PIK3R1: variants seen among roughly 807,000 people sequenced by gnomAD.
The protein encoded by PIK3R1 is phosphatidylinositol 3-kinase regulatory subunit alpha.
Under a neutral mutation model 98.0 loss-of-function variants are expected in PIK3R1, and 29 were observed. The observed-to-expected ratio is 0.30, with a 90% CI of 0.22 to 0.40. The LOEUF (loss-of-function observed/expected upper bound fraction) is 0.40, where lower values mean the gene tolerates loss of function less well. Ranked by LOEUF, PIK3R1 falls within the 10% of genes least tolerant of loss-of-function variation. The pLI is 1.00. For synonymous variants in PIK3R1, 282 were observed against 311.8 expected (o/e 0.90, Z 1.01); for missense variants, 596 against 872.7 (o/e 0.68, Z 3.99).
intron 2 of PIK3R1, among the ~76,000 whole-genome samples, chr5:68,264,323 A>T (rs976899074): frequency 7.9e-5 from 12 of 152,156 alleles, no homozygotes; most frequent in Admixed American, 3.3e-4. Context: ...TCACGTAAAG[A>T]TTTTTTAACC....
intron 7 of PIK3R1, among the ~76,000 whole-genome samples, chr5:68,287,550 T>G (rs1747130438): frequency 1.3e-5 from 2 of 152,202 alleles, no homozygotes; most frequent in Admixed American, 1.3e-4. Flanking sequence ...CTTAAAGCTA[T>G]CTATGCTCAT....
At chr5:68,258,614 C>T (rs542251747) in intron 2 of PIK3R1, among the ~76,000 whole-genome samples, 9 of 152,360 alleles carry the variant, frequency 5.9e-5, no homozygotes, top group Non-Finnish European at 1.0e-4. Flanking sequence ...CCATACCAGT[C>T]TTTCCCTGAT....
At chr5:68,237,426 AGAGGGGTGATT>A (rs1469565345) in intron 2 of PIK3R1, among the ~76,000 whole-genome samples, 5 of 152,288 alleles carry the variant, frequency 3.3e-5, no homozygotes, top group African/African-American at 1.2e-4. Context: ...TTCCAAGGGC[AGAGGGGTGATT>A]GAGGGGGTAA....
chr5:68,246,616 T>G (rs1745100479), intron 2 of PIK3R1, among the ~76,000 whole-genome samples: 3 of 152,134 alleles, frequency 2.0e-5, no homozygotes. Flanking sequence ...CCCGTCCATG[T>G]GTGTCTTTTT....
chr5:68,281,320 TTTTG>T (rs1443358664), intron 7 of PIK3R1, among the ~76,000 whole-genome samples: 1 of 152,210 alleles, frequency 6.6e-6, no homozygotes, highest in African/African-American at 2.4e-5. Context: ...TTGTTGACAT[TTTTG>T]TTTTTCTTTC....
intron 1 of PIK3R1, among the ~76,000 whole-genome samples, chr5:68,223,456 T>C (rs959614155): frequency 2.0e-5 from 3 of 152,020 alleles, no homozygotes; most frequent in African/African-American, 7.3e-5. Context: ...TCTGCATCAA[T>C]GGATGGATGC....
At chr5:68,251,273 C>T (rs1410737787) in intron 2 of PIK3R1, among the ~76,000 whole-genome samples, 1 of 151,828 alleles carries the variant, frequency 6.6e-6, no homozygotes, top group Non-Finnish European at 1.5e-5. Flanking sequence ...CTGGTGGAAA[C>T]CTCTTAAAAA....
intron 2 of PIK3R1, among the ~76,000 whole-genome samples, chr5:68,272,721 C>T (rs941317865): frequency 1.3e-5 from 2 of 152,088 alleles, no homozygotes; most frequent in African/African-American, 2.4e-5. Flanking sequence ...AATACATAAA[C>T]AAAGGCTTTG....
chr5:68,280,998 C>A lies in PIK3R1; in HGVS notation c.908C>A (p.Pro303His). The A allele has an allele frequency of 6.3e-7, 1 of 1,598,832 alleles. No homozygotes were observed. Among genetic ancestry groups the A allele is most frequent in the Non-Finnish European group, 8.5e-7 (1 of 1,171,602 alleles). ...TCAACTGAATGGAATGAACGACAGC[C>A]TGCACCAGGTAATGCTTTTTGAGCA... ...LISTEWNERQ[P>H]APALPPKPPK... The change falls in exon 7 of 16, where the codon CCT becomes CAT. Residue 303 changes from proline to histidine, a missense_variant. Physicochemically the swap from Pro to His is moderately conservative, Grantham distance 77 (BLOSUM62 -2). Coordinates refer to ENST00000521381, the MANE Select transcript of PIK3R1 (RefSeq NM_181523.3).
chr5:68,293,907 T>C (rs1747543152), intron 11 of PIK3R1, 73 bp downstream of exon 11: 3 of 1,221,638 alleles, frequency 2.5e-6, no homozygotes, highest in South Asian at 1.4e-5. Context: ...GAAAAAAGAA[T>C]TTAAAAGGTT....
intron 2 of PIK3R1, among the ~76,000 whole-genome samples, chr5:68,238,515 A>T (rs115072515): frequency 0.021 from 3,135 of 152,302 alleles, 115 homozygotes; most frequent in African/African-American, 0.072. Flanking sequence ...TCAGGCGGTT[A>T]TGAGATGAAA....
intron 2 of PIK3R1, among the ~76,000 whole-genome samples, chr5:68,234,994 G>A (rs1332271527): frequency 6.6e-6 from 1 of 152,148 alleles, no homozygotes; most frequent in Admixed American, 6.5e-5. Flanking sequence ...GCAGTTTTCA[G>A]AACTACTCAA....
At position 68,300,446 on chromosome 5, in the gene PIK3R1, C is replaced by T. The variant is rs1747977354; in HGVS notation, c.*2845C>T. 3 of 232,984 alleles carry T rather than the reference C, an allele frequency of 1.3e-5. No homozygotes were observed. The highest frequency in any genetic ancestry group is 6.6e-5 in the African/African-American group (3 of 45,304). 14.4% of individuals were successfully genotyped at this position (232,984 alleles called of 1,614,324 possible). A position where few individuals can be genotyped will look rare whatever the true frequency, so the allele number is the denominator to read the frequency against. ...GATTTTTATCCATGCGTCAGTTTTT[C>T]CCACCCAGTGTAGCATCCTAAAGAT... On this transcript the variant is annotated 3_prime_UTR_variant, in exon 16 of 16. Coordinates refer to ENST00000521381, the MANE Select transcript of PIK3R1 (RefSeq NM_181523.3).
intron 2 of PIK3R1, among the ~76,000 whole-genome samples, chr5:68,271,979 A>G (rs1746379560): frequency 6.6e-6 from 1 of 152,134 alleles, no homozygotes; most frequent in Admixed American, 6.6e-5. Flanking sequence ...GGCCAGGTGC[A>G]GTGGCTCACA....
At chr5:68,273,095 C>G (rs375210224) in intron 2 of PIK3R1, among the ~76,000 whole-genome samples, 83 of 152,256 alleles carry the variant, frequency 5.5e-4, no homozygotes, top group Admixed American at 3.1e-3. Flanking sequence ...GCCACTCCCC[C>G]CACCTTTGGG....
chr5:68,279,498 T>A (rs1365496063), intron 4 of PIK3R1, 104 bp from the exon 5 acceptor site: 5 of 448,930 alleles, frequency 1.1e-5, no homozygotes, highest in South Asian at 1.1e-4. Flanking sequence ...CTTCCTTATT[T>A]TTTTTTTTTT....
intron 2 of PIK3R1, among the ~76,000 whole-genome samples, chr5:68,234,526 T>A (rs900119538): frequency 6.6e-6 from 1 of 152,174 alleles, no homozygotes; most frequent in Admixed American, 6.5e-5. Context: ...ATGCATGCGG[T>A]GTATGGTTTT....
intron 7 of PIK3R1, among the ~76,000 whole-genome samples, chr5:68,283,777 C>CCCT (rs1746953863): frequency 6.6e-6 from 1 of 152,164 alleles, no homozygotes; most frequent in South Asian, 2.1e-4. Flanking sequence ...CCGGGTCTGC[C>CCCT]CAGGAGCCGC....
chr5:68,255,121 G>A (rs1357543901), intron 2 of PIK3R1, among the ~76,000 whole-genome samples: 1 of 152,180 alleles, frequency 6.6e-6, no homozygotes, highest in Non-Finnish European at 1.5e-5. Context: ...GAGCTTCTGA[G>A]ATTTCTAAGT....
Sources: gnomAD v4.1 joint callset for allele counts (sites outside exome capture counted in the v4.1 genomes callset) on GRCh38, gnomAD v4.1.1 for gene constraint, MANE v1.5 for transcripts, NCBI Gene and HGNC (gene_info 2026-07-23, HGNC 2026-07-21) for gene names.